MAGI3: variants seen among roughly 807,000 people sequenced by gnomAD.
The protein encoded by MAGI3 is membrane associated guanylate kinase, WW and PDZ domain containing 3, also known as membrane-associated guanylate kinase, WW and PDZ domain-containing protein 3.
MAGI3 carries 43 observed loss-of-function variants against 121.8 expected under a neutral mutation model. That is an observed-to-expected ratio of 0.35 (90% confidence interval 0.28 to 0.46). The LOEUF is 0.46. MAGI3 is among the 20% of genes least tolerant of loss of function. The pLI is 1.00. For missense variants in MAGI3, 1,547 were observed against 1,797.3 expected, an observed-to-expected ratio of 0.86 and a Z score of 2.52; for synonymous variants, 553 against 639.3, an observed-to-expected ratio of 0.86 and a Z score of 2.04.
At chr1:113,551,057 T>C (rs1413555682) in intron 2 of MAGI3, among the ~76,000 whole-genome samples, 1 of 152,022 alleles carries the variant, frequency 6.6e-6, no homozygotes, top group Non-Finnish European at 1.5e-5. Flanking sequence ...CCTTCCTCCC[T>C]TGACTATGTA....
intron 19 of MAGI3, among the ~76,000 whole-genome samples, chr1:113,674,248 C>T (rs911769137): frequency 1.6e-4 from 25 of 151,942 alleles, no homozygotes; most frequent in Admixed American, 1.3e-4. Context: ...AAAAATTAGC[C>T]GGGCCTGGTG....
intron 3 of MAGI3, 73 bp downstream of exon 3, chr1:113,580,734 G>A: frequency 7.2e-7 from 1 of 1,393,894 alleles, no homozygotes; most frequent in East Asian, 2.6e-5. Flanking sequence ...GAGGGAATTT[G>A]ACCAGTAAAG....
intron 1 of MAGI3, among the ~76,000 whole-genome samples, chr1:113,402,036 G>A (rs1415946174): frequency 1.3e-5 from 2 of 152,134 alleles, no homozygotes; most frequent in African/African-American, 4.8e-5. Flanking sequence ...TAAACAATTC[G>A]AGGCTTAGCA....
rs767291719 is a variant in MAGI3, at chr1:113,672,753, T to C, written c.3045+12T>C. 37 of 1,604,720 alleles carry C rather than the reference T, an allele frequency of 2.3e-5. No homozygotes were observed. Among genetic ancestry groups the C allele is most frequent in the Non-Finnish European group, 3.1e-5 (37 of 1,176,658 alleles). On this transcript the variant is annotated intron_variant, in intron 18 of 20. Coordinates refer to ENST00000307546, the MANE Select transcript of MAGI3 (RefSeq NM_001142782.2). ...GTCGGCACAATCAGGTAAACAAACA[T>C]TTCCCCAGATGGGGAGTGATATTTT...
intron 1 of MAGI3, among the ~76,000 whole-genome samples, chr1:113,393,657 T>A (rs1650943508): frequency 6.6e-6 from 1 of 152,230 alleles, no homozygotes; most frequent in Non-Finnish European, 1.5e-5. Context: ...GAAGAGGTTA[T>A]CTGTAGAACT....
intron 9 of MAGI3, among the ~76,000 whole-genome samples, chr1:113,636,618 T>C (rs1652042030): frequency 6.6e-6 from 1 of 152,138 alleles, no homozygotes; most frequent in African/African-American, 2.4e-5. Context: ...TCTGTTCTTT[T>C]ACATTTGCTG....
chr1:113,526,550 G>A (rs1431822192), intron 1 of MAGI3, among the ~76,000 whole-genome samples: 1 of 152,196 alleles, frequency 6.6e-6, no homozygotes, highest in Non-Finnish European at 1.5e-5. Context: ...GGTGGCAGGA[G>A]AAGAGGCTGA....
Position 113,623,453 on chromosome 1 carries a change from T to C in MAGI3, c.1360+459T>C, listed in dbSNP as rs57538028. Among the ~76,000 whole-genome samples the C allele has an allele frequency of 7.8e-3, 989 of 126,072 alleles. 2 individuals carry two copies. Among genetic ancestry groups the C allele is most frequent in the African/African-American group, 0.021 (674 of 31,562 alleles). The allele number at this position is 126,072 out of a possible 152,430, so 82.7% of individuals were successfully genotyped here. ...TAATACACATATATATACACACACA[T>C]ACACACACACACACACACACACACA... On this transcript the variant is annotated intron_variant, in intron 9 of 20. Transcript: ENST00000307546.
At chr1:113,659,025 T>A in intron 15 of MAGI3, 55 bp from the exon 16 acceptor site, 1 of 1,366,132 alleles carries the variant, frequency 7.3e-7, no homozygotes, top group Non-Finnish European at 1.0e-6. Flanking sequence ...ATTATAAATC[T>A]AACACTAGCA....
chr1:113,543,794 C>T (rs1324033058), intron 1 of MAGI3, among the ~76,000 whole-genome samples: 1 of 151,206 alleles, frequency 6.6e-6, no homozygotes, highest in African/African-American at 2.4e-5. Flanking sequence ...CTGGAGCCCC[C>T]GAGGCGGAGG....
At chr1:113,607,506 A>G (rs1171334707) in intron 6 of MAGI3, among the ~76,000 whole-genome samples, 1 of 152,230 alleles carries the variant, frequency 6.6e-6, no homozygotes, top group African/African-American at 2.4e-5. Context: ...ACAAATAGGC[A>G]AACCCAGACT....
intron 9 of MAGI3, among the ~76,000 whole-genome samples, chr1:113,635,823 C>T (rs1198816336): frequency 6.6e-6 from 1 of 151,392 alleles, no homozygotes; most frequent in Non-Finnish European, 1.5e-5. Flanking sequence ...CCTTGTACCT[C>T]TGGTAGAATT....
intron 2 of MAGI3, among the ~76,000 whole-genome samples, chr1:113,571,459 T>C (rs1037513487): frequency 1.3e-5 from 2 of 152,238 alleles, no homozygotes; most frequent in African/African-American, 4.8e-5. Context: ...GGGGATAGCA[T>C]TGAATCTATA....
intron 1 of MAGI3, among the ~76,000 whole-genome samples, chr1:113,480,341 TG>T (rs933827089): frequency 3.3e-5 from 5 of 151,948 alleles, no homozygotes; most frequent in African/African-American, 1.2e-4. Flanking sequence ...CCTGGGTCTG[TG>T]GGGGCTGGCC....
At chr1:113,623,982 T>C (rs1314995191) in intron 9 of MAGI3, among the ~76,000 whole-genome samples, 1 of 152,190 alleles carries the variant, frequency 6.6e-6, no homozygotes, top group Non-Finnish European at 1.5e-5. Context: ...GCCTGACTTA[T>C]TTCACTTAAC....
At chr1:113,400,687 A>G (rs1019874079) in intron 1 of MAGI3, among the ~76,000 whole-genome samples, 3 of 152,156 alleles carry the variant, frequency 2.0e-5, no homozygotes, top group Non-Finnish European at 4.4e-5. Context: ...ACAGAATTGT[A>G]TCTCAATCCA....
chr1:113,475,504 C>T (rs956140059), intron 1 of MAGI3, among the ~76,000 whole-genome samples: 5 of 152,028 alleles, frequency 3.3e-5, no homozygotes, highest in East Asian at 1.9e-4. Flanking sequence ...GTGGTTTTGT[C>T]GTTGGTTCTG....
At chr1:113,623,044 A>G in intron 9 of MAGI3, 50 bp downstream of exon 9, 1 of 1,228,594 alleles carries the variant, frequency 8.1e-7, no homozygotes, top group East Asian at 3.0e-5. Context: ...TATAACAAAA[A>G]TTATAGTGAA....
At chr1:113,681,640 T>C (rs1648224522) in intron 20 of MAGI3, among the ~76,000 whole-genome samples, 1 of 152,256 alleles carries the variant, frequency 6.6e-6, no homozygotes, top group African/African-American at 2.4e-5. Flanking sequence ...TTAAATACCA[T>C]AAAAAATGTT....
Sources: allele counts gnomAD v4.1 joint callset (sites outside exome capture counted in the v4.1 genomes callset), GRCh38; gene constraint gnomAD v4.1.1; transcripts MANE v1.5; gene names NCBI Gene and HGNC (gene_info 2026-07-23, HGNC 2026-07-21).